The following MMP27 variants were observed in gnomAD, a reference collection of about 807,000 sequenced individuals.
MMP27 encodes matrix metalloproteinase-27.
MMP27 carries 51 observed loss-of-function variants against 48.1 expected under a neutral mutation model. The observed-to-expected ratio is 1.06, with a 90% confidence interval of 0.85 to 1.34. The LOEUF (loss-of-function observed/expected upper bound fraction) is 1.34, where lower values mean the gene tolerates loss of function less well. Ranked by LOEUF, MMP27 falls within the 40% of genes most tolerant of loss-of-function variation. MMP27 has a pLI of 0.00. For missense variants in MMP27, 698 were observed against 619.3 expected (o/e 1.13, Z -1.35); for synonymous variants, 229 against 208.9 (o/e 1.10, Z -0.83).
chr11:102,704,244 G>C (rs1373034194), intron 2 of MMP27, among the ~76,000 whole-genome samples: 2 of 152,212 alleles, frequency 1.3e-5, no homozygotes, highest in African/African-American at 4.8e-5. Context: ...TTTGTTGGGA[G>C]CTTATATGAT....
chr11:102,695,409 C>T (rs545077721), intron 6 of MMP27, among the ~76,000 whole-genome samples: 1 of 152,300 alleles, frequency 6.6e-6, no homozygotes, highest in African/African-American at 2.4e-5. Flanking sequence ...ACATTCTAAG[C>T]CAACACCAAG....
chr11:102,702,261 A>G (rs570578734), intron 4 of MMP27, among the ~76,000 whole-genome samples: 2 of 152,268 alleles, frequency 1.3e-5, no homozygotes, highest in Non-Finnish European at 2.9e-5. Flanking sequence ...TAGAGCCTCT[A>G]TGGGCTATGA....
chr11:102,701,057 T>C (rs1860930719), intron 4 of MMP27, among the ~76,000 whole-genome samples: 1 of 152,240 alleles, frequency 6.6e-6, no homozygotes, highest in Non-Finnish European at 1.5e-5. Flanking sequence ...GCTTGATATT[T>C]TATGTTTCCA....
intron 4 of MMP27, among the ~76,000 whole-genome samples, chr11:102,698,119 G>A (rs1860868003): frequency 6.6e-6 from 1 of 151,916 alleles, no homozygotes; most frequent in Admixed American, 6.6e-5. Context: ...ATAACCATAA[G>A]AGGTATAGTA....
At chr11:102,705,456 C>T (rs1861029072) in intron 1 of MMP27, among the ~76,000 whole-genome samples, 157 bp downstream of exon 1, 1 of 152,152 alleles carries the variant, frequency 6.6e-6, no homozygotes, top group Admixed American at 6.5e-5. Flanking sequence ...AACACAATTT[C>T]CTGATATCGT....
rs1591656952 is a variant in MMP27 at position 102,695,117 on chromosome 11, C to G, written c.903-20G>C. The G allele has an allele frequency of 6.2e-7, 1 of 1,609,806 alleles. No individual in the cohort carries two copies. Among genetic ancestry groups the G allele is most frequent in the Admixed American group, 1.7e-5 (1 of 59,884 alleles). ...AGGTGCCTGTGTTAAACAAAAAACA[C>G]TTTACACATGCAGCCTATTTCCATG... On this transcript the variant is annotated intron_variant, in intron 6 of 9. Transcript: ENST00000260229.
chr11:102,701,732 T>A (rs1012197669), intron 4 of MMP27, among the ~76,000 whole-genome samples: 1 of 152,196 alleles, frequency 6.6e-6, no homozygotes, highest in Non-Finnish European at 1.5e-5. Flanking sequence ...CCTCAGCCAG[T>A]ACTGACTTTC....
intron 2 of MMP27, among the ~76,000 whole-genome samples, chr11:102,703,622 A>C (rs577309545): frequency 4.6e-5 from 7 of 152,188 alleles, no homozygotes; most frequent in Non-Finnish European, 1.0e-4. Flanking sequence ...TCCCAGGTTC[A>C]AGTGATTCTC....
rs11225384 is a variant in MMP27 at position 102,701,989 on chromosome 11, C to G, written c.619+764G>C. Among the ~76,000 whole-genome samples, 1,225 of 152,284 alleles carry G rather than the reference C, an allele frequency of 8.0e-3. 28 individuals are homozygous for G. The highest frequency in any genetic ancestry group is 0.028 in the African/African-American group (1,171 of 41,560). ...GACACCAGACCCAAGGTAACTATTG[C>G]CAATGACAGAACAAAAGAATGGGGG... On this transcript the variant is annotated intron_variant, in intron 4 of 9. Transcript: ENST00000260229.
intron 2 of MMP27, among the ~76,000 whole-genome samples, chr11:102,704,027 C>T: frequency 6.6e-6 from 1 of 152,188 alleles, no homozygotes; most frequent in Non-Finnish European, 1.5e-5. Flanking sequence ...CATCCTCTTC[C>T]TGCCAATGAG....
intron 2 of MMP27, among the ~76,000 whole-genome samples, chr11:102,703,554 G>A (rs1434701363): frequency 2.6e-5 from 4 of 151,416 alleles, no homozygotes; most frequent in African/African-American, 4.9e-5. Flanking sequence ...ACAGAGTCTC[G>A]CTCTGTCCCC....
chr11:102,695,898 A>ACCCATGTTT (rs1376325704), intron 6 of MMP27, among the ~76,000 whole-genome samples: 1 of 152,224 alleles, frequency 6.6e-6, no homozygotes, highest in Non-Finnish European at 1.5e-5. Context: ...TGAGGTGCTG[A>ACCCATGTTT]CCCATGTTTA....
chr11:102,698,258 CAT>C (rs1245468809), intron 4 of MMP27, among the ~76,000 whole-genome samples: 1 of 152,108 alleles, frequency 6.6e-6, no homozygotes, highest in African/African-American at 2.4e-5. Flanking sequence ...TCACCACAAA[CAT>C]GTGAGTAATG....
At chr11:102,701,459 G>T (rs1860938747) in intron 4 of MMP27, among the ~76,000 whole-genome samples, 1 of 152,206 alleles carries the variant, frequency 6.6e-6, no homozygotes, top group East Asian at 1.9e-4. Context: ...GCTGAGCAAG[G>T]GGAGTCATTC....
intron 7 of MMP27, among the ~76,000 whole-genome samples, 162 bp downstream of exon 7, chr11:102,694,805 G>C (rs1007058654): frequency 3.9e-5 from 6 of 152,184 alleles, no homozygotes; most frequent in Admixed American, 1.3e-4. Context: ...CACAGCCACA[G>C]AGAATCCTGG....
At chr11:102,693,292 G>A (rs1337521243) in intron 8 of MMP27, among the ~76,000 whole-genome samples, 1 of 152,130 alleles carries the variant, frequency 6.6e-6, no homozygotes, top group African/African-American at 2.4e-5. Flanking sequence ...CAGAGAAATC[G>A]TTACATCAGA....
In MMP27 at chr11:102,702,997, C is replaced by A. The variant is rs370166457; in HGVS notation, c.463G>T (p.Asp155Tyr). 4 of 1,614,180 alleles carry A rather than the reference C, an allele frequency of 2.5e-6. No individual in the cohort carries two copies. Among genetic ancestry groups the A allele is most frequent in the Non-Finnish European group, 1.7e-6 (2 of 1,180,012 alleles). ...KFTKISKGIA[D>Y]IMIAFRTRVH... ...CGAGTCCTAAAGGCAATCATGATGTCTGCAATCCCCTTTGAAATCTTGGTG... is the reference window on the plus strand; with the variant it reads ...CGAGTCCTAAAGGCAATCATGATGTATGCAATCCCCTTTGAAATCTTGGTG... The change falls in exon 3 of 10, where the codon GAC (aspartate) becomes TAC (tyrosine). Residue 155 changes from aspartate (D) to tyrosine (Y), a missense_variant. Physicochemically the swap from Asp to Tyr is radical, Grantham distance 160. Transcript: ENST00000260229.
chr11:102,696,980 A>G (rs1860843856), intron 4 of MMP27, 145 bp from the exon 5 acceptor site: 5 of 811,496 alleles, frequency 6.2e-6, no homozygotes, highest in Admixed American at 6.0e-5. Context: ...TTTATCTGGG[A>G]GGTATTGCAA....
Position 102,705,737 on chromosome 11 carries a change from C to A in MMP27, c.-23G>T, listed in dbSNP as rs11225389. ...CATTCCTCTCTTTCTTCAGCTGAAG[C>A]CGGTTCTGTTAGCACAGAATTTAGA... On this transcript the variant is annotated 5_prime_UTR_variant, in exon 1 of 10. Transcript: ENST00000260229. 0.24 allele frequency: 366,649 copies of A among 1,545,296 alleles called. 47,193 individuals carry two copies. Among genetic ancestry groups the A allele is most frequent in the Non-Finnish European group, 0.26 (298,399 of 1,128,258 alleles).
Sources: gnomAD v4.1 joint callset for allele counts (sites outside exome capture counted in the v4.1 genomes callset) on GRCh38, gnomAD v4.1.1 for gene constraint, MANE v1.5 for transcripts, NCBI Gene and HGNC (gene_info 2026-07-23, HGNC 2026-07-21) for gene names.